PRKN: variants seen among roughly 807,000 people sequenced by gnomAD.
PRKN encodes parkin RBR E3 ubiquitin protein ligase.
Under a neutral mutation model 59.5 loss-of-function variants are expected in PRKN, and 56 were observed. That is an observed-to-expected ratio of 0.94 (90% CI 0.76 to 1.18). The LOEUF (loss-of-function observed/expected upper bound fraction) is 1.18, where lower values mean the gene tolerates loss of function less well. Ranked by LOEUF, PRKN falls within the 50% of genes most tolerant of loss-of-function variation. PRKN has a pLI of 0.00. For synonymous variants in PRKN, 250 were observed against 222.1 expected, an observed-to-expected ratio of 1.13 and a Z score of -1.12; for missense variants, 657 against 596.4, an observed-to-expected ratio of 1.10 and a Z score of -1.06.
At chr6:162,141,415 T>C (rs146748888) in intron 4 of PRKN, among the ~76,000 whole-genome samples, 2 of 152,302 alleles carry the variant, frequency 1.3e-5, no homozygotes, top group Admixed American at 6.5e-5. Flanking sequence ...AAGTTAAATA[T>C]ATTTGGAATA....
intron 4 of PRKN, among the ~76,000 whole-genome samples, chr6:162,067,273 T>C (rs1778380353): frequency 6.6e-6 from 1 of 152,214 alleles, no homozygotes; most frequent in South Asian, 2.1e-4. Flanking sequence ...ATTTTTAAGA[T>C]ATTCACTGTC....
intron 8 of PRKN, among the ~76,000 whole-genome samples, chr6:161,553,024 C>T (rs985160129): frequency 1.3e-5 from 2 of 151,102 alleles, no homozygotes; most frequent in Admixed American, 6.6e-5. Context: ...CTCCTGACCT[C>T]GTGATCTGCC....
At chr6:161,647,262 A>G (rs1783990991) in intron 7 of PRKN, among the ~76,000 whole-genome samples, 1 of 152,222 alleles carries the variant, frequency 6.6e-6, no homozygotes, top group South Asian at 2.1e-4. Flanking sequence ...TCTTCTGAAC[A>G]GTATGCAGAA....
At position 161,518,737 on chromosome 6, in the gene PRKN, G is replaced by A. The variant is rs1351921656; in HGVS notation, c.1083+30117C>T. 2.6e-5 allele frequency among the ~76,000 whole-genome samples: 4 copies of A among 152,180 alleles called. No homozygotes were observed. Among genetic ancestry groups the A allele is most frequent in the East Asian group, 1.9e-4 (1 of 5,186 alleles). On this transcript the variant is annotated intron_variant, in intron 9 of 11. Transcript: ENST00000366898. The surrounding 1 kb of genome is among the most constrained non-coding windows in gnomAD (Gnocchi z 5.0). Reference sequence around the variant, plus strand: ...CTCCTGCCTGCTGCAGAGGGCCGGCGGTGTGCCTTGATACTTGGCTATGCA... The same window carrying A: ...CTCCTGCCTGCTGCAGAGGGCCGGCAGTGTGCCTTGATACTTGGCTATGCA...
At chr6:161,706,623 C>T (rs1284941336) in intron 7 of PRKN, among the ~76,000 whole-genome samples, 1 of 152,222 alleles carries the variant, frequency 6.6e-6, no homozygotes, top group African/African-American at 2.4e-5. Context: ...CTCTCTGTCA[C>T]GCAGGCTGGA....
chr6:162,415,626 T>G (rs1788588810), intron 2 of PRKN, among the ~76,000 whole-genome samples: 1 of 152,074 alleles, frequency 6.6e-6, no homozygotes, highest in African/African-American at 2.4e-5. Flanking sequence ...ATGACCATCC[T>G]GGCCAACATG....
chr6:162,467,841 G>A (rs536549477), intron 1 of PRKN, among the ~76,000 whole-genome samples: 48 of 152,036 alleles, frequency 3.2e-4, no homozygotes, highest in Admixed American at 1.2e-3. Context: ...CCGAGCTCCC[G>A]CTATGCTGTG....
rs1789871948 is a variant in PRKN at position 161,454,314 on chromosome 6, C to G, written c.1084-67437G>C. 6.6e-6 allele frequency among the ~76,000 whole-genome samples: 1 copy of G among 152,150 alleles called. No homozygotes were observed. The highest frequency in any genetic ancestry group is 1.5e-5 in the Non-Finnish European group (1 of 68,022). ...GGTCCTGTGAAAGAAAGACCTCAGG[C>G]TCACGTTATTAGATCCTTGGGTAAT... On this transcript the variant is annotated intron_variant, in intron 9 of 11. Coordinates refer to ENST00000366898, the MANE Select transcript of PRKN (RefSeq NM_004562.3). This position sits in a 1 kb window ranked among gnomAD's most constrained non-coding sequence, Gnocchi z 4.6.
intron 2 of PRKN, among the ~76,000 whole-genome samples, chr6:162,277,076 T>G (rs1583303953): frequency 6.6e-6 from 1 of 152,130 alleles, no homozygotes; most frequent in Non-Finnish European, 1.5e-5. Context: ...AGAATAAATA[T>G]GGCAAGAACT....
At chr6:162,275,839 G>T (rs970126444) in intron 2 of PRKN, among the ~76,000 whole-genome samples, 6 of 151,832 alleles carry the variant, frequency 4.0e-5, no homozygotes, top group Non-Finnish European at 8.8e-5. Context: ...TCCATCGATT[G>T]TACTTATTAT....
At chr6:161,394,098 G>A (rs535639704) in intron 9 of PRKN, among the ~76,000 whole-genome samples, 2 of 152,314 alleles carry the variant, frequency 1.3e-5, no homozygotes, top group South Asian at 2.1e-4. Flanking sequence ...TGCAAAACTC[G>A]TTCTGACAAG....
intron 2 of PRKN, among the ~76,000 whole-genome samples, chr6:162,298,944 A>G (rs2128112350): frequency 1.3e-5 from 2 of 152,150 alleles, no homozygotes; most frequent in Non-Finnish European, 2.9e-5. Flanking sequence ...GGTGTGTCCA[A>G]GACAGTGAGG....
chr6:162,448,491 A>G (rs538273286), intron 1 of PRKN, among the ~76,000 whole-genome samples: 1 of 152,106 alleles, frequency 6.6e-6, no homozygotes, highest in Non-Finnish European at 1.5e-5. Context: ...ATCACATTTC[A>G]GTTCTTATCA....
At chr6:162,553,908 G>C (rs1360282650) in intron 1 of PRKN, among the ~76,000 whole-genome samples, 1 of 147,916 alleles carries the variant, frequency 6.8e-6, no homozygotes, top group Non-Finnish European at 1.5e-5. Flanking sequence ...ATGAACTTTG[G>C]AATCTCAGGT....
intron 7 of PRKN, among the ~76,000 whole-genome samples, chr6:161,767,584 A>G (rs1009776208): frequency 1.3e-5 from 2 of 152,220 alleles, no homozygotes; most frequent in African/African-American, 4.8e-5. Flanking sequence ...AGCTGCAAGC[A>G]TTAACTATTG....
intron 2 of PRKN, among the ~76,000 whole-genome samples, chr6:162,340,800 T>C (rs1200959946): frequency 6.6e-6 from 1 of 152,100 alleles, no homozygotes; most frequent in African/African-American, 2.4e-5. Context: ...CGTTAAGACC[T>C]AAAATCATAA....
intron 6 of PRKN, among the ~76,000 whole-genome samples, chr6:161,916,663 T>TA (rs1454580180): frequency 3.3e-5 from 5 of 152,232 alleles, no homozygotes; most frequent in African/African-American, 9.6e-5. Flanking sequence ...TTCTTGTTTT[T>TA]AAAAAATCCT....
chr6:162,094,931 T>A (rs936134534), intron 4 of PRKN, among the ~76,000 whole-genome samples: 1 of 152,182 alleles, frequency 6.6e-6, no homozygotes, highest in African/African-American at 2.4e-5. Context: ...GTGTGTGTAT[T>A]CATGCAAATA....
At chr6:162,519,157 C>T (rs570151805) in intron 1 of PRKN, among the ~76,000 whole-genome samples, 7 of 152,076 alleles carry the variant, frequency 4.6e-5, no homozygotes, top group East Asian at 3.9e-4. Context: ...GCAACAAGAG[C>T]GAAACTCCGT....
Sources: allele counts gnomAD v4.1 joint callset (sites outside exome capture counted in the v4.1 genomes callset), GRCh38; gene constraint gnomAD v4.1.1; non-coding constraint Gnocchi (gnomAD v3.1); transcripts MANE v1.5; gene names NCBI Gene and HGNC (gene_info 2026-07-23, HGNC 2026-07-21).